The following GPSM2 variants were observed in gnomAD, a reference collection of about 807,000 sequenced individuals.
The protein encoded by GPSM2 is G protein signaling modulator 2.
GPSM2 carries 58 observed loss-of-function variants against 78.4 expected under a neutral mutation model. The ratio of observed to expected loss-of-function variants is 0.74; its 90% CI spans 0.60 to 0.92. The LOEUF is 0.92. Among genes scored for constraint, GPSM2 ranks in the 40% least tolerant of loss-of-function variants. The pLI, the probability that GPSM2 is intolerant of heterozygous loss-of-function variation, is 0.00. For synonymous variants in GPSM2, 224 were observed against 280.2 expected (o/e 0.80, Z 2.00); for missense variants, 700 against 815.5 (o/e 0.86, Z 1.73).
chr1:108,932,227 T>C lies in GPSM2; in HGVS notation c.*2287T>C, dbSNP rs1430504621. On this transcript the variant is annotated 3_prime_UTR_variant, in exon 15 of 15. Transcript: ENST00000264126. The stretch of plus-strand genomic sequence containing the variant: ...AGGTGGAGGTTGCAGTGAGCCGAGA[T>C]TGTACCACCTCACTCCAGCCTGGGT... 1.3e-5 allele frequency: 2 copies of C among 152,170 alleles called. No individual in the cohort carries two copies. The highest frequency in any genetic ancestry group is 4.8e-5 in the African/African-American group (2 of 41,432). The allele number at this position is 152,170 out of a possible 1,614,324, so 9.4% of individuals were successfully genotyped here.
chr1:108,914,356 G>A lies in GPSM2; in HGVS notation c.1211G>A (p.Gly404Glu). 6.2e-7 allele frequency: 1 copy of A among 1,612,456 alleles called. No individual in the cohort carries two copies. The highest frequency in any genetic ancestry group is 1.1e-5 in the South Asian group (1 of 90,994). The change falls in exon 11 of 15, where the codon GGA (glycine) becomes GAA (glutamate). Residue 404 changes from glycine (G) to glutamate (E), a missense_variant. Gly to Glu is a moderately conservative substitution (Grantham distance 98). Transcript: ENST00000264126. ...AACAAAGGTGTACGCCCCAAGTTGG[G>A]ACGCCGGCATAGTATGGAAAATATG... ...SSLNGVRPKL[G>E]RRHSMENMEL...
chr1:108,895,844 C>T (rs943514437), intron 2 of GPSM2, among the ~76,000 whole-genome samples: 14 of 152,122 alleles, frequency 9.2e-5, no homozygotes, highest in Non-Finnish European at 1.9e-4. Flanking sequence ...ACAAAACCGG[C>T]CCCTGGTGCC....
At chr1:108,921,568 T>A (rs1266506945) in intron 12 of GPSM2, among the ~76,000 whole-genome samples, 1 of 152,194 alleles carries the variant, frequency 6.6e-6, no homozygotes. Context: ...TCATCTTATT[T>A]CACATAGGAT....
At chr1:108,903,390 G>A (rs973185204) in intron 9 of GPSM2, among the ~76,000 whole-genome samples, 156 bp downstream of exon 9, 1 of 152,116 alleles carries the variant, frequency 6.6e-6, no homozygotes, top group African/African-American at 2.4e-5. Context: ...AGCATTTTGA[G>A]GTACAGATCA....
intron 1 of GPSM2, among the ~76,000 whole-genome samples, chr1:108,884,102 C>G (rs374317624): frequency 6.6e-6 from 1 of 152,276 alleles, no homozygotes; most frequent in East Asian, 1.9e-4. Context: ...ATCACCACAC[C>G]TGGCTAACTT....
rs1202535677 is a variant in GPSM2, at chr1:108,931,581, GTTTTT to G, written c.*1643_*1647del. On this transcript the variant is annotated 3_prime_UTR_variant, in exon 15 of 15. Transcript: ENST00000264126. ...TAGAACTATTTCTCTAATGGCCAATGTTTTTTAAGAGTCATAACCTGGAATTAATT... is the reference window on the plus strand; with the variant it reads ...TAGAACTATTTCTCTAATGGCCAATGTAAGAGTCATAACCTGGAATTAATT... 1 of 1,311,688 alleles carries G rather than the reference GTTTTT, an allele frequency of 7.6e-7. No individual in the cohort carries two copies. The allele number at this position is 1,311,688 out of a possible 1,614,324, so 81.3% of individuals were successfully genotyped here.
At chr1:108,887,978 G>A (rs1234981147) in intron 2 of GPSM2, among the ~76,000 whole-genome samples, 1 of 152,306 alleles carries the variant, frequency 6.6e-6, no homozygotes, top group East Asian at 1.9e-4. Flanking sequence ...TCTGGTAATT[G>A]CACTAAACGA....
In GPSM2 at chr1:108,901,949, T is replaced by C; in HGVS notation, c.953+4T>C. The C allele has an allele frequency of 6.3e-7, 1 of 1,599,200 alleles. No homozygotes were observed. Among genetic ancestry groups the C allele is most frequent in the Non-Finnish European group, 8.6e-7 (1 of 1,166,416 alleles). ...TTGCTCAAGAGCTGAATGATAGGTA[T>C]GTTTTACGTCTTTTTACCATAACTA... On this transcript the variant is annotated splice_donor_region_variant and intron_variant, in intron 8 of 14. Coordinates refer to ENST00000264126, the MANE Select transcript of GPSM2 (RefSeq NM_013296.5).
At position 108,918,624 on chromosome 1, in the gene GPSM2, G is replaced by T. The variant is rs1650457941; in HGVS notation, c.1275G>T (p.Trp425Cys). Residue 425 changes from tryptophan to cysteine, a missense_variant, in exon 12 of 15, where the codon TGG becomes TGT. By Grantham distance (215) the Trp-to-Cys change is radical. Coordinates refer to ENST00000264126, the MANE Select transcript of GPSM2 (RefSeq NM_013296.5). Reference protein sequence around the residue: ...MKLTPEKVQNWNSEILAKQKP... With the variant: ...MKLTPEKVQNCNSEILAKQKP... Reference sequence around the variant, plus strand: ...TTATAATTTTGTAGGTACAGAACTGGAACAGTGAAATTCTTGCTAAGCAAA... The same window carrying T: ...TTATAATTTTGTAGGTACAGAACTGTAACAGTGAAATTCTTGCTAAGCAAA... 6.2e-7 allele frequency: 1 copy of T among 1,612,582 alleles called. No individual in the cohort carries two copies. Among genetic ancestry groups the T allele is most frequent in the South Asian group, 1.1e-5 (1 of 91,048 alleles).
In GPSM2 at chr1:108,931,678, AT is replaced by A. The variant is rs1283584509; in HGVS notation, c.*1739del. 1.3e-6 allele frequency: 1 copy of A among 747,240 alleles called. No homozygotes were observed. The highest frequency in any genetic ancestry group is 3.5e-5 in the Admixed American group (1 of 28,342). The allele number at this position is 747,240 out of a possible 1,614,324, so 46.3% of individuals were successfully genotyped here. A position where few individuals can be genotyped will look rare whatever the true frequency, so the allele number is the denominator to read the frequency against. On this transcript the variant is annotated 3_prime_UTR_variant, in exon 15 of 15. Transcript: ENST00000264126. ...TACAACCTGGATTACATTATGTTTC[AT>A]GTATACTATAAGGTATGATGTCCTG...
chr1:108,923,306 T>C (rs1650873533), intron 13 of GPSM2, among the ~76,000 whole-genome samples: 1 of 152,212 alleles, frequency 6.6e-6, no homozygotes, highest in South Asian at 2.1e-4. Context: ...AGTGCTGGTA[T>C]TCCAGGCATG....
At chr1:108,886,950 G>A (rs1009270014) in intron 2 of GPSM2, among the ~76,000 whole-genome samples, 4 of 151,746 alleles carry the variant, frequency 2.6e-5, no homozygotes, top group Admixed American at 6.6e-5. Context: ...GCAGTGGCAC[G>A]AGTTTGGCTC....
Position 108,934,091 on chromosome 1 carries a change from AAAC to A in GPSM2, c.*4154_*4156del. The A allele has an allele frequency of 6.6e-6, 1 of 152,396 alleles. No homozygotes were observed. The highest frequency in any genetic ancestry group is 1.5e-5 in the Non-Finnish European group (1 of 68,084). 9.4% of individuals were successfully genotyped at this position (152,396 alleles called of 1,614,324 possible). ...TGGCAGTCTTCAGTTTTCTCTAAGT[AAAC>A]AAAGTAAAAGGAACAATAAGGATGC... On this transcript the variant is annotated 3_prime_UTR_variant, in exon 15 of 15. Coordinates refer to ENST00000264126, the MANE Select transcript of GPSM2 (RefSeq NM_013296.5).
At chr1:108,910,942 A>G (rs1389377775) in intron 10 of GPSM2, among the ~76,000 whole-genome samples, 1 of 152,142 alleles carries the variant, frequency 6.6e-6, no homozygotes, top group African/African-American at 2.4e-5. Flanking sequence ...TAAAGAGAAA[A>G]TCACCCAAAT....
At position 108,896,973 on chromosome 1, in the gene GPSM2, G is replaced by A. The variant is rs777811656; in HGVS notation, c.166G>A (p.Glu56Lys). The part of the protein sequence containing the change: ...FFEAAVQVGT[E>K]DLKTLSAIYS... ...TGAAGCTGCAGTTCAAGTTGGAACT[G>A]AAGACCTAAAAACACTTAGCGCTAT... is the stretch of plus-strand genomic sequence containing the variant. The change falls in exon 3 of 15, where the codon GAA (glutamate) becomes AAA (lysine). Residue 56 changes from glutamate to lysine, a missense_variant. Transcript: ENST00000264126. The A allele has an allele frequency of 1.2e-6, 2 of 1,614,052 alleles. No individual in the cohort carries two copies. The highest frequency in any genetic ancestry group is 1.7e-4 in the Middle Eastern group (1 of 6,056).
At chr1:108,880,749 C>G (rs979889657) in intron 1 of GPSM2, among the ~76,000 whole-genome samples, 8 of 152,328 alleles carry the variant, frequency 5.3e-5, no homozygotes, top group African/African-American at 1.9e-4. Flanking sequence ...TTCAGATGAT[C>G]TAACCTGGTG....
chr1:108,907,471 T>C (rs914428534), intron 10 of GPSM2, among the ~76,000 whole-genome samples: 1 of 152,058 alleles, frequency 6.6e-6, no homozygotes, highest in Non-Finnish European at 1.5e-5. Flanking sequence ...TTACCAAATA[T>C]GTAAAGAAAC....
Position 108,929,747 on chromosome 1 carries a change from C to T in GPSM2, c.1862C>T (p.Thr621Ile). ...DQRCAPPPAT[T>I]KGPTVPDEDF... is the part of the protein sequence containing the mutation. ...AGATGTGCTCCACCACCTGCTACCA[C>T]AAAGGGTCCGACAGTACCAGATGAA... Residue 621 changes from threonine to isoleucine, a missense_variant, in exon 15 of 15, where the codon ACA becomes ATA. Coordinates refer to ENST00000264126, the MANE Select transcript of GPSM2 (RefSeq NM_013296.5). The T allele has an allele frequency of 6.2e-7, 1 of 1,613,234 alleles. No individual in the cohort carries two copies. Among genetic ancestry groups the T allele is most frequent in the Non-Finnish European group, 8.5e-7 (1 of 1,179,220 alleles).
In GPSM2 at chr1:108,901,947, T is replaced by TA; in HGVS notation, c.953+3dup. On this transcript the variant is annotated splice_region_variant and intron_variant, in intron 8 of 14. Transcript: ENST00000264126. ...AATTGCTCAAGAGCTGAATGATAGG[T>TA]ATGTTTTACGTCTTTTTACCATAAC... 6.2e-7 allele frequency: 1 copy of TA among 1,600,938 alleles called. No individual in the cohort carries two copies. Among genetic ancestry groups the TA allele is most frequent in the Non-Finnish European group, 8.6e-7 (1 of 1,167,994 alleles).
Sources: gnomAD v4.1 joint callset for allele counts (sites outside exome capture counted in the v4.1 genomes callset) on GRCh38, gnomAD v4.1.1 for gene constraint, MANE v1.5 for transcripts, NCBI Gene and HGNC (gene_info 2026-07-23, HGNC 2026-07-21) for gene names.